The following CCDC73 variants were observed in gnomAD, a reference collection of about 807,000 sequenced individuals.
The protein encoded by CCDC73 is coiled-coil domain-containing protein 73.
A neutral mutation model predicts 116.5 loss-of-function variants in CCDC73; 95 were observed. The observed-to-expected ratio is 0.82, with a 90% CI of 0.69 to 0.97. The LOEUF (loss-of-function observed/expected upper bound fraction) is 0.97, where lower values mean the gene tolerates loss of function less well. Among genes scored for constraint, CCDC73 ranks in the 50% least tolerant of loss-of-function variants. The pLI is 0.00. For synonymous variants in CCDC73, 398 were observed against 401.3 expected (o/e 0.99, Z 0.10); for missense variants, 1,066 against 1,206.8 (o/e 0.88, Z 1.73).
At chr11:32,615,873 T>C in intron 15 of CCDC73, 67 bp downstream of exon 15, 15 of 1,353,352 alleles carry the variant, frequency 1.1e-5, no homozygotes, top group Non-Finnish European at 1.5e-5. Context: ...AATGTAATTT[T>C]CCCAAAAATA....
At position 32,619,765 on chromosome 11, in the gene CCDC73, AAGAAGGAGC is replaced by A. The variant is rs1420039180; in HGVS notation, c.1186-3645_1186-3637del. 2.0e-5 allele frequency among the ~76,000 whole-genome samples: 3 copies of A among 151,268 alleles called. No homozygotes were observed. In the Admixed American group the frequency reaches 2.0e-4, roughly 10 times the overall value. ...GGAGCAGAAGGAGGAGGAGGAGATG[AAGAAGGAGC>A]AGAAGAAGCAGAAGAAGCAGGAGGA... is the stretch of plus-strand genomic sequence containing the variant. On this transcript the variant is annotated intron_variant, in intron 14 of 17. Coordinates refer to ENST00000335185, the MANE Select transcript of CCDC73 (RefSeq NM_001008391.4).
At chr11:32,787,903 T>G (rs1850641926) in intron 1 of CCDC73, among the ~76,000 whole-genome samples, 2 of 152,158 alleles carry the variant, frequency 1.3e-5, no homozygotes, top group Admixed American at 1.3e-4. Flanking sequence ...TCTAATAAAA[T>G]TATAACTATT....
chr11:32,692,897 G>T (rs1856273670), intron 6 of CCDC73, among the ~76,000 whole-genome samples: 1 of 152,142 alleles, frequency 6.6e-6, no homozygotes, highest in African/African-American at 2.4e-5. Context: ...TCTTTATTAA[G>T]CCCTCTAAGC....
intron 14 of CCDC73, among the ~76,000 whole-genome samples, chr11:32,624,349 AAAAT>A (rs926488345): frequency 2.0e-5 from 3 of 151,410 alleles, no homozygotes; most frequent in East Asian, 1.9e-4. Context: ...AAAAAATAAA[AAAAT>A]AAATAAATAA....
chr11:32,633,976 T>C (rs114550164), intron 14 of CCDC73, among the ~76,000 whole-genome samples: 2,270 of 152,280 alleles, frequency 0.015, 60 homozygotes, highest in African/African-American at 0.051. Context: ...CTATGTTAAC[T>C]CTTTCCTGCA....
chr11:32,761,859 G>A (rs1415382959), intron 1 of CCDC73, among the ~76,000 whole-genome samples: 1 of 152,126 alleles, frequency 6.6e-6, no homozygotes, highest in African/African-American at 2.4e-5. Flanking sequence ...TGACCAGCAG[G>A]CTAGAGACTC....
chr11:32,822,828 G>C, the CCDC73 span, among the ~76,000 whole-genome samples: 2 of 151,956 alleles, frequency 1.3e-5, no homozygotes, highest in African/African-American at 4.8e-5. Flanking sequence ...AACAAAAATA[G>C]AAGAAAATAA....
intron 14 of CCDC73, among the ~76,000 whole-genome samples, chr11:32,624,844 T>A (rs535419286): frequency 6.6e-6 from 1 of 152,198 alleles, no homozygotes; most frequent in African/African-American, 2.4e-5. Flanking sequence ...TGGAATACTA[T>A]GCAGCCATTA....
At chr11:32,781,726 T>C (rs1214456921) in intron 1 of CCDC73, among the ~76,000 whole-genome samples, 1 of 152,130 alleles carries the variant, frequency 6.6e-6, no homozygotes, top group Non-Finnish European at 1.5e-5. Flanking sequence ...GAAAAATGTG[T>C]ATATTAAATG....
At chr11:32,710,643 A>C (rs191974188) in intron 3 of CCDC73, among the ~76,000 whole-genome samples, 1 of 152,258 alleles carries the variant, frequency 6.6e-6, no homozygotes. Context: ...GTACTGATTA[A>C]CAGAATGCAT....
In CCDC73 at chr11:32,760,321, T is replaced by C. The variant is rs1284687418; in HGVS notation, c.-15-63A>G. 5.2e-6 allele frequency: 5 copies of C among 969,906 alleles called. No individual in the cohort carries two copies. The Admixed American group carries it at 1.0e-4, about 19-fold the overall frequency. The allele number at this position is 969,906 out of a possible 1,614,324, so 60.1% of individuals were successfully genotyped here. Reference sequence around the variant, plus strand: ...CTAGGTTTTTCAAGTAAAAGCATAGTTACCATAAAAATATAACAACCTGTA... The same window carrying C: ...CTAGGTTTTTCAAGTAAAAGCATAGCTACCATAAAAATATAACAACCTGTA... On this transcript the variant is annotated intron_variant, in intron 1 of 17. Transcript: ENST00000335185.
chr11:32,830,486 T>C, the CCDC73 span: 1 of 1,433,192 alleles, frequency 7.0e-7, no homozygotes, highest in Non-Finnish European at 9.2e-7. Flanking sequence ...TTTTTTTTAA[T>C]ATTTTTTTTT....
At position 32,720,431 on chromosome 11, in the gene CCDC73, A is replaced by C. The variant is rs549089558; in HGVS notation, c.136-2284T>G. On this transcript the variant is annotated intron_variant, in intron 2 of 17. Coordinates refer to ENST00000335185, the MANE Select transcript of CCDC73 (RefSeq NM_001008391.4). ...ACACTTAGCATCATATTTAATGGTGAAAGACTGAATGCTTTCCCTTTAAGA... is the reference window on the plus strand; with the variant it reads ...ACACTTAGCATCATATTTAATGGTGCAAGACTGAATGCTTTCCCTTTAAGA... Among the ~76,000 whole-genome samples, 9 of 152,278 alleles carry C rather than the reference A, an allele frequency of 5.9e-5. No homozygotes were observed. The East Asian group carries it at 1.7e-3, about 29-fold the overall frequency.
chr11:32,636,070 C>T (rs1462726668), intron 13 of CCDC73, among the ~76,000 whole-genome samples: 5 of 151,934 alleles, frequency 3.3e-5, no homozygotes, highest in Admixed American at 1.3e-4. Flanking sequence ...GTAAGAAATA[C>T]GAGGCTCACA....
At chr11:32,687,735 A>G (rs534705982) in intron 6 of CCDC73, among the ~76,000 whole-genome samples, 4 of 152,340 alleles carry the variant, frequency 2.6e-5, no homozygotes, top group African/African-American at 9.6e-5. Flanking sequence ...ATGACACTCC[A>G]ACAGCAATAA....
intron 7 of CCDC73, 105 bp from the exon 8 acceptor site, chr11:32,676,126 A>G: frequency 1.2e-6 from 1 of 827,432 alleles, no homozygotes; most frequent in South Asian, 3.4e-5. Flanking sequence ...TGTTAGTAAT[A>G]TAACATAAAT....
chr11:32,825,277 A>G, the CCDC73 span, among the ~76,000 whole-genome samples: 19 of 133,304 alleles, frequency 1.4e-4, no homozygotes. Context: ...CTTCATTATC[A>G]TCTTTTTCTG....
rs1554964648 is a variant in CCDC73 at position 32,678,897 on chromosome 11, A to AAT, written c.430-2878_430-2877dup. Among the ~76,000 whole-genome samples the AAT allele has an allele frequency of 6.5e-4, 95 of 145,248 alleles. 3 individuals are homozygous for AAT. The highest frequency in any genetic ancestry group is 1.1e-3 in the South Asian group (5 of 4,636). On this transcript the variant is annotated intron_variant, in intron 7 of 17. Transcript: ENST00000335185. The stretch of plus-strand genomic sequence containing the variant: ...GGCTCCGTCACAAAAAAAAAAAAAA[A>AAT]ATATATATATATACACACACACACA...
intron 9 of CCDC73, among the ~76,000 whole-genome samples, chr11:32,664,223 T>C (rs1359633195): frequency 3.3e-5 from 5 of 152,222 alleles, no homozygotes; most frequent in Non-Finnish European, 2.9e-5. Context: ...TTCCCTCTTT[T>C]TCTATTGATT....
Sources: allele counts gnomAD v4.1 joint callset (sites outside exome capture counted in the v4.1 genomes callset), GRCh38; gene constraint gnomAD v4.1.1; transcripts MANE v1.5; gene names NCBI Gene and HGNC (gene_info 2026-07-23, HGNC 2026-07-21).